The following KALRN variants were observed in gnomAD, a reference collection of about 807,000 sequenced individuals.
The protein encoded by KALRN is kalirin RhoGEF kinase, also known as kalirin.
KALRN carries 70 observed loss-of-function variants against 353.7 expected under a neutral mutation model. That is an observed-to-expected ratio of 0.20 (90% CI 0.16 to 0.24). The LOEUF is 0.24. KALRN is among the 10% of genes least tolerant of loss of function. The pLI, the probability that KALRN is intolerant of heterozygous loss-of-function variation, is 1.00. For synonymous variants in KALRN, 1,391 were observed against 1,434.8 expected, an observed-to-expected ratio of 0.97 and a Z score of 0.69; for missense variants, 2,791 against 3,756.7, an observed-to-expected ratio of 0.74 and a Z score of 6.72.
At chr3:124,162,331 G>T (rs1278993252) in intron 1 of KALRN, 1 of 152,206 alleles carries the variant, frequency 6.6e-6, no homozygotes, top group African/African-American at 2.4e-5. Context: ...GTCAGGAGAG[G>T]CAGGAGTGAG....
At chr3:124,664,364 T>TGCGCGCGCGCGCGC (rs769865594) in intron 45 of KALRN, among the ~76,000 whole-genome samples, 2 of 127,028 alleles carry the variant, frequency 1.6e-5, no homozygotes, top group Non-Finnish European at 3.2e-5. Flanking sequence ...TGTGTGTGTG[T>TGCGCGCGCGCGCGC]GTGTGTGCGC....
At chr3:124,468,293 A>T (rs2060538798) in intron 25 of KALRN, among the ~76,000 whole-genome samples, 2 of 152,140 alleles carry the variant, frequency 1.3e-5, no homozygotes, top group Non-Finnish European at 2.9e-5. Flanking sequence ...CCTCTTTTTT[A>T]AAATTCTGGT....
At chr3:124,676,500 G>C (rs1446685028) in intron 49 of KALRN, among the ~76,000 whole-genome samples, 2 of 152,168 alleles carry the variant, frequency 1.3e-5, no homozygotes, top group Non-Finnish European at 2.9e-5. Context: ...CCCAAACCAT[G>C]ATGACGAGTT....
chr3:124,450,549 C>A (rs1039732580), intron 21 of KALRN, among the ~76,000 whole-genome samples: 2 of 150,392 alleles, frequency 1.3e-5, no homozygotes, highest in Non-Finnish European at 3.0e-5. Flanking sequence ...AGGCGTGATG[C>A]TATTTCTGAG....
At chr3:124,072,616 T>A (rs1338522504) in intron 1 of KALRN, among the ~76,000 whole-genome samples, 1 of 152,140 alleles carries the variant, frequency 6.6e-6, no homozygotes, top group South Asian at 2.1e-4. Context: ...AGGGTTAAAT[T>A]GGGTCCATCC....
intron 23 of KALRN, among the ~76,000 whole-genome samples, chr3:124,458,126 A>C (rs2059507003): frequency 6.6e-6 from 1 of 151,948 alleles, no homozygotes; most frequent in African/African-American, 2.4e-5. Context: ...AAATACAAAA[A>C]TTAGCCGGGC....
intron 9 of KALRN, among the ~76,000 whole-genome samples, chr3:124,342,729 T>A (rs1159151084): frequency 2.0e-5 from 3 of 152,202 alleles, no homozygotes; most frequent in African/African-American, 4.8e-5. Context: ...TGACAACCAT[T>A]ATTGAGTACT....
intron 10 of KALRN, among the ~76,000 whole-genome samples, chr3:124,368,460 G>C (rs1336507731): frequency 6.7e-6 from 1 of 149,258 alleles, no homozygotes; most frequent in Non-Finnish European, 1.5e-5. Context: ...CATCTCAGAC[G>C]ATGGGCGGCC....
At chr3:124,292,770 T>C (rs2076533312) in intron 5 of KALRN, among the ~76,000 whole-genome samples, 1 of 152,212 alleles carries the variant, frequency 6.6e-6, no homozygotes, top group South Asian at 2.1e-4. Context: ...AATGAAAACA[T>C]TTAGGAAATA....
At chr3:124,360,651 A>C (rs1481417558) in intron 10 of KALRN, among the ~76,000 whole-genome samples, 1 of 152,242 alleles carries the variant, frequency 6.6e-6, no homozygotes, top group Non-Finnish European at 1.5e-5. Flanking sequence ...TTGTCTGCCC[A>C]GTATTGATTC....
intron 8 of KALRN, among the ~76,000 whole-genome samples, chr3:124,330,740 C>T (rs2080463863): frequency 6.6e-6 from 1 of 152,178 alleles, no homozygotes; most frequent in Non-Finnish European, 1.5e-5. Context: ...GAGAGATGGG[C>T]TGATTAAGGA....
At chr3:124,210,876 C>T (rs146009466) in intron 1 of KALRN, among the ~76,000 whole-genome samples, 46 of 152,318 alleles carry the variant, frequency 3.0e-4, no homozygotes, top group Admixed American at 1.0e-3. Context: ...TTTGCACAAA[C>T]GCAGAATTCT....
In KALRN at chr3:124,264,761, C is replaced by G. The variant is rs1292577689; in HGVS notation, c.456+71C>G. 9.1e-6 allele frequency: 12 copies of G among 1,317,140 alleles called. No homozygotes were observed. In the Admixed American group the frequency reaches 2.1e-4, roughly 23 times the overall value. 81.6% of individuals were successfully genotyped at this position (1,317,140 alleles called of 1,614,324 possible). ...CTGCCATCCACACATTTCTCACGTCCTCTTCTCTATCTACCATACAGTATG... is the reference window on the plus strand; with the variant it reads ...CTGCCATCCACACATTTCTCACGTCGTCTTCTCTATCTACCATACAGTATG... On this transcript the variant is annotated intron_variant, in intron 4 of 59. Coordinates refer to ENST00000682506, the MANE Select transcript of KALRN (RefSeq NM_001388419.1).
intron 1 of KALRN, among the ~76,000 whole-genome samples, chr3:124,215,560 G>A (rs950564222): frequency 1.3e-5 from 2 of 152,118 alleles, no homozygotes; most frequent in Non-Finnish European, 2.9e-5. Context: ...CTAGGTGTCT[G>A]GTTTTTCAAT....
At chr3:124,405,638 G>GTTTTTTTT (rs71145451) in intron 13 of KALRN, among the ~76,000 whole-genome samples, 3 of 83,868 alleles carry the variant, frequency 3.6e-5, no homozygotes, top group Non-Finnish European at 6.7e-5. Flanking sequence ...GGACCTCAGG[G>GTTTTTTTT]TTTTTTTTTT....
chr3:124,522,021 T>G (rs2067205142), intron 33 of KALRN, among the ~76,000 whole-genome samples: 1 of 151,894 alleles, frequency 6.6e-6, no homozygotes, highest in African/African-American at 2.4e-5. Context: ...ACACAGCATA[T>G]TAGAAGAATC....
intron 3 of KALRN, among the ~76,000 whole-genome samples, chr3:124,246,596 C>G (rs1328692089): frequency 2.0e-5 from 3 of 152,124 alleles, no homozygotes; most frequent in African/African-American, 4.8e-5. Context: ...GTGTCCTTAT[C>G]TGCCTTTTAT....
At chr3:124,526,286 A>G (rs910673429) in intron 33 of KALRN, among the ~76,000 whole-genome samples, 14 of 152,192 alleles carry the variant, frequency 9.2e-5, no homozygotes, top group African/African-American at 3.4e-4. Context: ...ATAAAAATAC[A>G]TATGGAGCCA....
At chr3:124,718,343 G>C (rs192059067) in intron 59 of KALRN, among the ~76,000 whole-genome samples, 11 of 151,444 alleles carry the variant, frequency 7.3e-5, no homozygotes, top group Non-Finnish European at 1.3e-4. Flanking sequence ...GGATGGTCTC[G>C]AACTCCTGAC....
Sources: allele counts gnomAD v4.1 joint callset (sites outside exome capture counted in the v4.1 genomes callset), GRCh38; gene constraint gnomAD v4.1.1; transcripts MANE v1.5; gene names NCBI Gene and HGNC (gene_info 2026-07-23, HGNC 2026-07-21).